PLD1: variants seen among roughly 807,000 people sequenced by gnomAD.
PLD1 encodes the protein choline phosphatase 1.
PLD1 carries 112 observed loss-of-function variants against 137.1 expected under a neutral mutation model. The ratio of observed to expected loss-of-function variants is 0.82; its 90% CI spans 0.70 to 0.96. The LOEUF (loss-of-function observed/expected upper bound fraction) is 0.96, where lower values mean the gene tolerates loss of function less well. Ranked by LOEUF, PLD1 falls within the 40% of genes least tolerant of loss-of-function variation. The pLI is 0.00. For missense variants in PLD1, 1,321 were observed against 1,342.0 expected, an observed-to-expected ratio of 0.98 and a Z score of 0.24; for synonymous variants, 431 against 454.7, an observed-to-expected ratio of 0.95 and a Z score of 0.66.
intron 23 of PLD1, among the ~76,000 whole-genome samples, chr3:171,620,742 C>CTCTCTCTCTCTATA (rs1473647659): frequency 9.5e-5 from 9 of 94,792 alleles, no homozygotes; most frequent in African/African-American, 3.9e-4. Flanking sequence ...CTCTCTCTCT[C>CTCTCTCTCTCTATA]TATATATATA....
chr3:171,779,756 G>C (rs1452933107), intron 1 of PLD1, among the ~76,000 whole-genome samples: 1 of 150,904 alleles, frequency 6.6e-6, no homozygotes, highest in Non-Finnish European at 1.5e-5. Context: ...ACTGGGGTTT[G>C]GATATGTAAG....
At chr3:171,753,078 C>G (rs1260354198) in intron 1 of PLD1, among the ~76,000 whole-genome samples, 1 of 152,166 alleles carries the variant, frequency 6.6e-6, no homozygotes, top group African/African-American at 2.4e-5. Context: ...TATAATGCAG[C>G]TTTGAACCAT....
chr3:171,681,033 C>T (rs1384607858), intron 16 of PLD1, among the ~76,000 whole-genome samples: 3 of 152,158 alleles, frequency 2.0e-5, no homozygotes, highest in Non-Finnish European at 2.9e-5. Context: ...CAAAGTCCTC[C>T]GTAAACTGCT....
intron 1 of PLD1, among the ~76,000 whole-genome samples, chr3:171,795,157 G>A (rs1446261374): frequency 6.6e-6 from 1 of 152,006 alleles, no homozygotes; most frequent in Non-Finnish European, 1.5e-5. Flanking sequence ...CATTGCCATC[G>A]CAACCAGTTC....
rs911316772 is a variant in PLD1, at chr3:171,626,679, G to T, written c.2594-6159C>A. On this transcript the variant is annotated intron_variant, in intron 23 of 26. Transcript: ENST00000351298. ...TCAGCAGAAACTCTACAAGCCAGAA[G>T]AGAGTGGGGGCCAATATTCAACATT... Among the ~76,000 whole-genome samples, 27 of 151,898 alleles carry T rather than the reference G, an allele frequency of 1.8e-4. 1 individual carries two copies. Among genetic ancestry groups the T allele is most frequent in the African/African-American group, 6.6e-4 (27 of 41,158 alleles).
rs989040870 is a variant in PLD1, at chr3:171,676,923, G to A, written c.1997-90C>T. ...TCCAACTATGAAACTAAAAGGAAACGTGGGTTAGTGCCCACTAGGTATATA... is the reference window on the plus strand; with the variant it reads ...TCCAACTATGAAACTAAAAGGAAACATGGGTTAGTGCCCACTAGGTATATA... On this transcript the variant is annotated intron_variant, in intron 17 of 26. Coordinates refer to ENST00000351298, the MANE Select transcript of PLD1 (RefSeq NM_002662.5). The A allele has an allele frequency of 2.6e-5, 20 of 782,874 alleles. No homozygotes were observed. The East Asian group carries it at 2.9e-4, about 11-fold the overall frequency. The allele number at this position is 782,874 out of a possible 1,614,324, so 48.5% of individuals were successfully genotyped here. A position where few individuals can be genotyped will look rare whatever the true frequency, so the allele number is the denominator to read the frequency against.
In PLD1 at chr3:171,706,662, C is replaced by G. The variant is rs1215468638; in HGVS notation, c.1145+2093G>C. ...ACAGAGACTGGTAGATAACCCCACTCTCTCAGATCTACGCATACTAGTGTT... is the reference window on the plus strand; with the variant it reads ...ACAGAGACTGGTAGATAACCCCACTGTCTCAGATCTACGCATACTAGTGTT... On this transcript the variant is annotated intron_variant, in intron 11 of 26. Coordinates refer to ENST00000351298, the MANE Select transcript of PLD1 (RefSeq NM_002662.5). Among the ~76,000 whole-genome samples the G allele has an allele frequency of 2.6e-5, 4 of 152,184 alleles. No individual in the cohort carries two copies. The East Asian group carries it at 7.7e-4, about 29-fold the overall frequency.
intron 1 of PLD1, among the ~76,000 whole-genome samples, chr3:171,786,821 C>T (rs986019979): frequency 6.6e-6 from 1 of 152,110 alleles, no homozygotes; most frequent in Non-Finnish European, 1.5e-5. Flanking sequence ...GAATAGGTAA[C>T]ATGGGAATTT....
chr3:171,639,482 GATAA>G lies in PLD1; in HGVS notation c.2593+3354_2593+3357del, dbSNP rs1222652427. Among the ~76,000 whole-genome samples, 492 of 111,854 alleles carry G rather than the reference GATAA, an allele frequency of 4.4e-3. 4 individuals carry two copies. Among genetic ancestry groups the G allele is most frequent in the Middle Eastern group, 9.1e-3 (1 of 110 alleles). 73.4% of individuals were successfully genotyped at this position (111,854 alleles called of 152,430 possible). On this transcript the variant is annotated intron_variant, in intron 23 of 26. Coordinates refer to ENST00000351298, the MANE Select transcript of PLD1 (RefSeq NM_002662.5). ...AGATATAATATATTCATTTTTAATA[GATAA>G]ATATTTTATTTAATACATAATAAAT... is the stretch of plus-strand genomic sequence containing the variant.
At chr3:171,805,365 G>A (rs929903208) in intron 1 of PLD1, among the ~76,000 whole-genome samples, 15 of 152,332 alleles carry the variant, frequency 9.8e-5, no homozygotes, top group African/African-American at 3.1e-4. Context: ...CCATGACCCA[G>A]TCGGCCATAA....
intron 24 of PLD1, among the ~76,000 whole-genome samples, chr3:171,619,923 T>TAA (rs11399852): frequency 9.5e-5 from 14 of 147,858 alleles, no homozygotes; most frequent in Admixed American, 2.0e-4. Flanking sequence ...TTTTAAAAAT[T>TAA]AAAAAAAAAA....
intron 1 of PLD1, among the ~76,000 whole-genome samples, chr3:171,762,024 A>C (rs528957101): frequency 6.6e-6 from 1 of 152,350 alleles, no homozygotes; most frequent in African/African-American, 2.4e-5. Context: ...ACTGGTATTA[A>C]GTTTACTGTG....
intron 9 of PLD1, among the ~76,000 whole-genome samples, chr3:171,711,949 A>T (rs1223144305): frequency 6.6e-6 from 1 of 152,178 alleles, no homozygotes; most frequent in South Asian, 2.1e-4. Flanking sequence ...GAAGGAAAAC[A>T]GAGTGTTGGA....
Position 171,612,512 on chromosome 3 carries a change from C to G in PLD1, c.2729-80G>C. The stretch of plus-strand genomic sequence containing the variant: ...GGTTGCCCTCCCAACTCAATTCATC[C>G]TTGCAAACAAAACCGTAATTTTGTC... On this transcript the variant is annotated intron_variant, in intron 24 of 26. Transcript: ENST00000351298. The surrounding 1 kb of genome is among the most constrained non-coding windows in gnomAD (Gnocchi z 4.1). The G allele has an allele frequency of 1.5e-6, 2 of 1,369,918 alleles. No homozygotes were observed. The highest frequency in any genetic ancestry group is 2.1e-6 in the Non-Finnish European group (2 of 970,418). 84.9% of individuals were successfully genotyped at this position (1,369,918 alleles called of 1,614,324 possible).
chr3:171,737,813 G>T (rs1011019895), intron 2 of PLD1, 79 bp downstream of exon 2: 2 of 1,470,758 alleles, frequency 1.4e-6, no homozygotes, highest in African/African-American at 2.8e-5. Flanking sequence ...TCAATCATTT[G>T]CTGGTTACTT....
intron 23 of PLD1, among the ~76,000 whole-genome samples, chr3:171,633,193 C>T (rs1578148696): frequency 6.6e-6 from 1 of 152,228 alleles, no homozygotes; most frequent in African/African-American, 2.4e-5. Context: ...AATATTTCAG[C>T]CAGTACTTTA....
intron 12 of PLD1, among the ~76,000 whole-genome samples, chr3:171,696,374 A>T (rs1295725773): frequency 6.6e-6 from 1 of 152,210 alleles, no homozygotes; most frequent in Non-Finnish European, 1.5e-5. Flanking sequence ...GCAGATCAGA[A>T]GGCCAAAGAA....
At chr3:171,778,483 T>C (rs1306888643) in intron 1 of PLD1, among the ~76,000 whole-genome samples, 3 of 152,166 alleles carry the variant, frequency 2.0e-5, no homozygotes, top group African/African-American at 4.8e-5. Flanking sequence ...TGGAGAGAGA[T>C]GGCATAAGTG....
intron 23 of PLD1, among the ~76,000 whole-genome samples, chr3:171,625,882 T>TA (rs1377991099): frequency 6.6e-6 from 1 of 151,864 alleles, no homozygotes; most frequent in Admixed American, 6.6e-5. Flanking sequence ...CAAAAGTACA[T>TA]AAAACCACAA....
Sources: allele counts gnomAD v4.1 joint callset (sites outside exome capture counted in the v4.1 genomes callset), GRCh38; gene constraint gnomAD v4.1.1; non-coding constraint Gnocchi (gnomAD v3.1); transcripts MANE v1.5; gene names NCBI Gene and HGNC (gene_info 2026-07-23, HGNC 2026-07-21).